NT5C2: variants seen among roughly 807,000 people sequenced by gnomAD.
NT5C2 encodes the protein cytosolic purine 5'-nucleotidase.
Under a neutral mutation model 76.1 loss-of-function variants are expected in NT5C2, and 58 were observed. The ratio of observed to expected loss-of-function variants is 0.76; its 90% CI spans 0.62 to 0.95. The LOEUF (loss-of-function observed/expected upper bound fraction) is 0.95, where lower values mean the gene tolerates loss of function less well. Among genes scored for constraint, NT5C2 ranks in the 40% least tolerant of loss-of-function variants. NT5C2 has a pLI of 0.00. For missense variants in NT5C2, 478 were observed against 690.3 expected (o/e 0.69, Z 3.45); for synonymous variants, 229 against 237.4 (o/e 0.96, Z 0.32).
intron 4 of NT5C2, among the ~76,000 whole-genome samples, chr10:103,109,462 A>G (rs1021121772): frequency 6.6e-6 from 1 of 152,216 alleles, no homozygotes. Flanking sequence ...TACAATCTCC[A>G]TAAAACAAAA....
chr10:103,190,954 T>C (rs950994927), intron 1 of NT5C2, among the ~76,000 whole-genome samples: 2 of 152,174 alleles, frequency 1.3e-5, no homozygotes, highest in Admixed American at 6.5e-5. Context: ...CCAAATAATA[T>C]GTACACAGCA....
chr10:103,139,021 C>G (rs560676821), intron 4 of NT5C2, among the ~76,000 whole-genome samples: 1 of 151,234 alleles, frequency 6.6e-6, no homozygotes, highest in South Asian at 2.1e-4. Flanking sequence ...AAAAAAAAAA[C>G]TAAAATTTTT....
At chr10:103,101,662 A>G (rs2135103744) in intron 6 of NT5C2, among the ~76,000 whole-genome samples, 3 of 152,202 alleles carry the variant, frequency 2.0e-5, no homozygotes, top group Admixed American at 2.0e-4. Flanking sequence ...AGCTCTTAAA[A>G]GAGTTGTCAG....
chr10:103,117,632 G>A (rs938762698), intron 4 of NT5C2, among the ~76,000 whole-genome samples: 2 of 151,800 alleles, frequency 1.3e-5, no homozygotes, highest in South Asian at 4.1e-4. Flanking sequence ...GGGTGACAGA[G>A]CAAGAACCTG....
chr10:103,122,769 T>G (rs966717653), intron 4 of NT5C2, among the ~76,000 whole-genome samples: 4 of 152,188 alleles, frequency 2.6e-5, no homozygotes, highest in Admixed American at 6.5e-5. Context: ...TCCTTACCTC[T>G]GAAGACCCAG....
chr10:103,183,092 C>A (rs2091372733), intron 1 of NT5C2, among the ~76,000 whole-genome samples: 1 of 151,940 alleles, frequency 6.6e-6, no homozygotes, highest in Non-Finnish European at 1.5e-5. Flanking sequence ...TTTAATTCAT[C>A]TACCAGTACT....
At chr10:103,163,940 G>A (rs1012469772) in intron 3 of NT5C2, among the ~76,000 whole-genome samples, 9 of 149,914 alleles carry the variant, frequency 6.0e-5, no homozygotes, top group South Asian at 4.2e-4. Flanking sequence ...CACAAGAATC[G>A]CTTGAACCTG....
chr10:103,105,589 A>T (rs546795643), intron 6 of NT5C2, 117 bp downstream of exon 6: 6 of 707,646 alleles, frequency 8.5e-6, no homozygotes, highest in African/African-American at 3.6e-5. Context: ...ATGTAAGGGA[A>T]TTTGCTCTTT....
chr10:103,184,439 T>G (rs963218666), intron 1 of NT5C2, among the ~76,000 whole-genome samples: 1 of 152,196 alleles, frequency 6.6e-6, no homozygotes, highest in African/African-American at 2.4e-5. Flanking sequence ...CTCACTGTCC[T>G]CTTACCCTGC....
intron 4 of NT5C2, among the ~76,000 whole-genome samples, chr10:103,112,292 C>G (rs1565012410): frequency 6.6e-5 from 10 of 152,072 alleles, no homozygotes. Context: ...CTGAGTCTAC[C>G]TATACCTAAC....
At chr10:103,169,618 C>CA (rs58771061) in intron 3 of NT5C2, among the ~76,000 whole-genome samples, 3 of 151,438 alleles carry the variant, frequency 2.0e-5, no homozygotes, top group African/African-American at 4.9e-5. Flanking sequence ...GACCCTGTCT[C>CA]AAAAAAAATT....
At chr10:103,146,844 G>A (rs767918137) in intron 3 of NT5C2, among the ~76,000 whole-genome samples, 3 of 152,096 alleles carry the variant, frequency 2.0e-5, no homozygotes, top group Non-Finnish European at 2.9e-5. Context: ...CTCTGCCCTC[G>A]CACTAATGCC....
At chr10:103,090,539 C>T in intron 18 of NT5C2, 72 bp downstream of exon 18, 1 of 1,333,430 alleles carries the variant, frequency 7.5e-7, no homozygotes, top group Non-Finnish European at 1.0e-6. Flanking sequence ...ATCTCCTGTG[C>T]CATCTCACAA....
chr10:103,192,261 G>A (rs937312876), intron 1 of NT5C2, among the ~76,000 whole-genome samples: 3 of 152,048 alleles, frequency 2.0e-5, no homozygotes, highest in East Asian at 1.9e-4. Flanking sequence ...AGAACTCATC[G>A]GCCCCTGGAC....
intron 3 of NT5C2, among the ~76,000 whole-genome samples, chr10:103,158,905 T>C (rs1295700180): frequency 2.6e-5 from 4 of 151,476 alleles, no homozygotes; most frequent in African/African-American, 9.7e-5. Context: ...TAAATAACTA[T>C]ATGCCAACAT....
intron 10 of NT5C2, chr10:103,098,533 T>C (rs2134968313): frequency 5.4e-6 from 1 of 185,656 alleles, no homozygotes; most frequent in African/African-American, 2.4e-5. Context: ...AGGTTTTTTA[T>C]CTATAAAACA....
In NT5C2 at chr10:103,093,265, C is replaced by T; in HGVS notation, c.1033G>A (p.Asp345Asn). 1 of 1,609,422 alleles carries T rather than the reference C, an allele frequency of 6.2e-7. No homozygotes were observed. The highest frequency in any genetic ancestry group is 8.5e-7 in the Non-Finnish European group (1 of 1,177,962). ...ATGTGATCTCCAATATACAAAATGT[C>T]TTTTCCCTTGGCTCCCAACAGGTCA... is the stretch of plus-strand genomic sequence containing the variant. Reference protein sequence around the residue: ...ICDLLGAKGKDILYIGDHIFG... With the variant: ...ICDLLGAKGKNILYIGDHIFG... The change falls in exon 15 of 19, where the codon GAC becomes AAC. Residue 345 changes from aspartate to asparagine, a missense_variant. By Grantham distance (23) the Asp-to-Asn change is conservative. Transcript: ENST00000404739.
intron 12 of NT5C2, among the ~76,000 whole-genome samples, chr10:103,094,838 T>C (rs533764834): frequency 3.2e-4 from 47 of 146,248 alleles, no homozygotes; most frequent in Admixed American, 1.8e-3. Flanking sequence ...GCCGAGATCG[T>C]GCCACTGCAC....
At chr10:103,172,391 G>C (rs892042513) in intron 3 of NT5C2, among the ~76,000 whole-genome samples, 17 of 151,080 alleles carry the variant, frequency 1.1e-4, no homozygotes, top group Non-Finnish European at 2.4e-4. Context: ...TGGGACTACA[G>C]GCACCTGCCA....
Sources: gnomAD v4.1 joint callset for allele counts (sites outside exome capture counted in the v4.1 genomes callset) on GRCh38, gnomAD v4.1.1 for gene constraint, MANE v1.5 for transcripts, NCBI Gene and HGNC (gene_info 2026-07-23, HGNC 2026-07-21) for gene names.